The following CSMD2 variants were observed in gnomAD, a reference collection of about 807,000 sequenced individuals.
CSMD2 encodes the protein CUB and Sushi multiple domains 2.
In CSMD2, 130 loss-of-function variants were observed where a neutral mutation model predicts 398.5. That is an observed-to-expected ratio of 0.33 (90% CI 0.28 to 0.38). CSMD2 has a LOEUF of 0.38. CSMD2 is among the 10% of genes least tolerant of loss of function. CSMD2 has a pLI of 1.00. For synonymous variants in CSMD2, 1,828 were observed against 1,908.5 expected (o/e 0.96, Z 1.10); for missense variants, 3,829 against 4,764.9 (o/e 0.80, Z 5.78).
chr1:34,010,084 A>G (rs1415298848), intron 3 of CSMD2, among the ~76,000 whole-genome samples: 1 of 152,184 alleles, frequency 6.6e-6, no homozygotes, highest in Non-Finnish European at 1.5e-5. Flanking sequence ...GATCCTTAAT[A>G]TTCATACAGG....
chr1:34,054,664 C>T (rs920724076), intron 2 of CSMD2, among the ~76,000 whole-genome samples: 1 of 152,112 alleles, frequency 6.6e-6, no homozygotes, highest in African/African-American at 2.4e-5. Context: ...GGCGTGAACC[C>T]GGGAGGCGGA....
At chr1:33,534,402 C>T (rs940621153) in intron 62 of CSMD2, among the ~76,000 whole-genome samples, 1 of 152,210 alleles carries the variant, frequency 6.6e-6, no homozygotes, top group Non-Finnish European at 1.5e-5. Context: ...ATTGCAAATT[C>T]TTTAAGGATG....
chr1:34,116,253 C>T (rs1571171204), intron 1 of CSMD2, among the ~76,000 whole-genome samples: 2 of 151,798 alleles, frequency 1.3e-5, no homozygotes, highest in Admixed American at 6.6e-5. Context: ...AGTAAAAGAA[C>T]GGACAAAGAT....
chr1:34,103,351 T>G (rs997380735), intron 1 of CSMD2, among the ~76,000 whole-genome samples: 3 of 139,002 alleles, frequency 2.2e-5, no homozygotes. Context: ...CAGGCTGGAG[T>G]GCAGTGGTGC....
At chr1:33,959,775 T>G (rs1645290349) in intron 3 of CSMD2, among the ~76,000 whole-genome samples, 2 of 152,122 alleles carry the variant, frequency 1.3e-5, no homozygotes, top group African/African-American at 4.8e-5. Context: ...CAGACTGCCC[T>G]GTCCCATGTA....
rs1558128380 is a variant in CSMD2 at position 33,935,725 on chromosome 1, GCCC to G, written c.712+32_712+34del. On this transcript the variant is annotated intron_variant, in intron 4 of 70. Transcript: ENST00000373381. The stretch of plus-strand genomic sequence containing the variant: ...GCTCCAGCATCACCTCCCAGCCACT[GCCC>G]CACTCTGTCAGACCCCTTGCTGGCC... 3 of 1,561,826 alleles carry G rather than the reference GCCC, an allele frequency of 1.9e-6. No individual in the cohort carries two copies. In the South Asian group the frequency reaches 3.7e-5, roughly 19 times the overall value.
At chr1:33,830,744 A>G (rs2125033257) in intron 6 of CSMD2, among the ~76,000 whole-genome samples, 1 of 152,354 alleles carries the variant, frequency 6.6e-6, no homozygotes, top group Admixed American at 6.5e-5. Context: ...ACCAAAGGCA[A>G]AGAAGTTGAA....
chr1:33,586,189 A>G (rs1036199116), intron 46 of CSMD2, among the ~76,000 whole-genome samples: 3 of 152,140 alleles, frequency 2.0e-5, no homozygotes, highest in African/African-American at 7.2e-5. Context: ...CCAGGGAGGG[A>G]CTTCCTCCTT....
chr1:33,768,284 G>C (rs1351948351), intron 13 of CSMD2, among the ~76,000 whole-genome samples: 3 of 152,050 alleles, frequency 2.0e-5, no homozygotes, highest in African/African-American at 7.2e-5. Context: ...TTTTCCCCCA[G>C]GGAATATTTG....
At chr1:33,844,061 G>GT (rs1661123367) in intron 6 of CSMD2, among the ~76,000 whole-genome samples, 1 of 152,144 alleles carries the variant, frequency 6.6e-6, no homozygotes, top group Non-Finnish European at 1.5e-5. Flanking sequence ...ACCCTCTACC[G>GT]TTAAAGCTGT....
At chr1:33,861,299 A>C (rs753645453) in intron 5 of CSMD2, 2 of 152,200 alleles carry the variant, frequency 1.3e-5, no homozygotes, top group East Asian at 3.8e-4. Flanking sequence ...TTTTTTAAAA[A>C]TAAGGTTTTA....
At chr1:33,652,760 ATT>A (rs1006435217) in intron 27 of CSMD2, among the ~76,000 whole-genome samples, 1 of 152,052 alleles carries the variant, frequency 6.6e-6, no homozygotes, top group Non-Finnish European at 1.5e-5. Context: ...TATTATTATT[ATT>A]TTTTGAGACG....
At chr1:33,728,120 G>A (rs183530397) in intron 15 of CSMD2, among the ~76,000 whole-genome samples, 2 of 152,162 alleles carry the variant, frequency 1.3e-5, no homozygotes, top group African/African-American at 4.8e-5. Flanking sequence ...GCAAGACAGC[G>A]TAAATCCAGA....
chr1:33,609,850 C>T (rs1011185815), intron 41 of CSMD2, among the ~76,000 whole-genome samples: 13 of 152,172 alleles, frequency 8.5e-5, no homozygotes, highest in East Asian at 3.9e-4. Flanking sequence ...CTTCCTGTGA[C>T]GGGTGTTAGG....
At chr1:33,914,385 A>AGT (rs72433922) in intron 5 of CSMD2, among the ~76,000 whole-genome samples, 17,327 of 139,722 alleles carry the variant, frequency 0.12, 1,890 homozygotes, top group African/African-American at 0.33. Context: ...ACGATTTGGC[A>AGT]GTGTGTGTGT....
chr1:33,537,740 G>T lies in CSMD2; in HGVS notation c.9632-131C>A. The T allele has an allele frequency of 1.1e-6, 1 of 949,396 alleles. No homozygotes were observed. Among genetic ancestry groups the T allele is most frequent in the Non-Finnish European group, 1.5e-6 (1 of 669,878 alleles). 58.8% of individuals were successfully genotyped at this position (949,396 alleles called of 1,614,324 possible). On this transcript the variant is annotated intron_variant, in intron 60 of 70. Coordinates refer to ENST00000373381, the MANE Select transcript of CSMD2 (RefSeq NM_001281956.2). The surrounding 1 kb of genome is among the most constrained non-coding windows in gnomAD (Gnocchi z 4.6). ...AGCTTGAACTCTGGGAACCGGGGCA[G>T]CCCCAGGTAGGTGCTTCCACCTGCT... is the stretch of plus-strand genomic sequence containing the variant.
chr1:34,123,866 T>A (rs2148477555), intron 1 of CSMD2, among the ~76,000 whole-genome samples: 1 of 151,950 alleles, frequency 6.6e-6, no homozygotes, highest in South Asian at 2.1e-4. Context: ...AGAGACCAAG[T>A]AAGTTGTCCA....
At chr1:33,575,972 T>A (rs1277175735) in intron 49 of CSMD2, among the ~76,000 whole-genome samples, 1 of 152,164 alleles carries the variant, frequency 6.6e-6, no homozygotes, top group Non-Finnish European at 1.5e-5. Flanking sequence ...TAGTTGGCAA[T>A]GTTTTCTTCT....
intron 5 of CSMD2, among the ~76,000 whole-genome samples, chr1:33,883,064 C>T (rs1000595268): frequency 6.6e-6 from 1 of 152,202 alleles, no homozygotes; most frequent in African/African-American, 2.4e-5. Context: ...CCAATGGTCT[C>T]CCCAAGGAAG....
Sources: allele counts gnomAD v4.1 joint callset (sites outside exome capture counted in the v4.1 genomes callset), GRCh38; gene constraint gnomAD v4.1.1; non-coding constraint Gnocchi (gnomAD v3.1); transcripts MANE v1.5; gene names NCBI Gene and HGNC (gene_info 2026-07-23, HGNC 2026-07-21).